ACER2: variants seen among roughly 807,000 people sequenced by gnomAD.
ACER2 encodes alkaline ceramidase 2.
A neutral mutation model predicts 34.7 loss-of-function variants in ACER2; 26 were observed. The ratio of observed to expected loss-of-function variants is 0.75; its 90% CI spans 0.55 to 1.04. The LOEUF is 1.04. ACER2 is among the 50% of genes least tolerant of loss of function. ACER2 has a pLI of 0.00. For missense variants in ACER2, 352 were observed against 340.8 expected, an observed-to-expected ratio of 1.03 and a Z score of -0.26; for synonymous variants, 138 against 132.1, an observed-to-expected ratio of 1.04 and a Z score of -0.31.
chr9:19,425,318 C>T (rs897308811), intron 3 of ACER2, among the ~76,000 whole-genome samples: 2 of 152,122 alleles, frequency 1.3e-5, no homozygotes, highest in Non-Finnish European at 2.9e-5. Flanking sequence ...GAGCTGTGCA[C>T]CTGCGTGCGT....
In ACER2 at chr9:19,409,260, C is replaced by T. The variant is rs1830010804; in HGVS notation, c.108+68C>T. On this transcript the variant is annotated intron_variant, in intron 1 of 5. Coordinates refer to ENST00000340967, the MANE Select transcript of ACER2 (RefSeq NM_001010887.3). ...GGGGGCTGTTCCCGCGCCGCAGCGT[C>T]TGGAAGCTGGACGTGGGTCTCTGCG... is the stretch of plus-strand genomic sequence containing the variant. 2.7e-6 allele frequency: 4 copies of T among 1,464,198 alleles called. No homozygotes were observed. The East Asian group carries it at 7.4e-5, about 27-fold the overall frequency. 90.7% of individuals were successfully genotyped at this position (1,464,198 alleles called of 1,614,324 possible). A position where few individuals can be genotyped will look rare whatever the true frequency, so the allele number is the denominator to read the frequency against.
intron 1 of ACER2, among the ~76,000 whole-genome samples, chr9:19,422,848 A>G (rs1175848793): frequency 1.3e-5 from 2 of 152,166 alleles, no homozygotes; most frequent in East Asian, 1.9e-4. Flanking sequence ...CCTGGCCAAC[A>G]TGGTGAAACC....
At chr9:19,444,126 A>G (rs1831253587) in intron 4 of ACER2, among the ~76,000 whole-genome samples, 2 of 151,124 alleles carry the variant, frequency 1.3e-5, no homozygotes, top group South Asian at 4.2e-4. Flanking sequence ...AGGCCACACA[A>G]AAAATACACT....
At chr9:19,440,464 T>C (rs1163396361) in intron 4 of ACER2, among the ~76,000 whole-genome samples, 1 of 152,140 alleles carries the variant, frequency 6.6e-6, no homozygotes, top group African/African-American at 2.4e-5. Flanking sequence ...ATGGGATTAG[T>C]GCTTTTCTAA....
chr9:19,450,326 G>A, intron 5 of ACER2, 124 bp from the exon 6 acceptor site: 1 of 1,349,150 alleles, frequency 7.4e-7, no homozygotes, highest in Non-Finnish European at 9.6e-7. Context: ...AATTAGAAGA[G>A]GCCCCTGGGC....
intron 1 of ACER2, 133 bp downstream of exon 1, chr9:19,409,325 A>G (rs1464559784): frequency 1.3e-6 from 1 of 787,124 alleles, no homozygotes; most frequent in African/African-American, 1.7e-5. Context: ...GAGTCAGTCC[A>G]CACCCCCTCC....
chr9:19,450,281 A>C (rs1439800149), intron 5 of ACER2, 169 bp from the exon 6 acceptor site: 6 of 985,298 alleles, frequency 6.1e-6, no homozygotes, highest in South Asian at 9.4e-5. Context: ...TCATCCTGCT[A>C]TTCCAGGGAT....
chr9:19,442,481 A>G (rs1023597497), intron 4 of ACER2, among the ~76,000 whole-genome samples: 1 of 152,236 alleles, frequency 6.6e-6, no homozygotes, highest in African/African-American at 2.4e-5. Context: ...AGAGAAAGGT[A>G]ACAGGCTGCC....
chr9:19,446,499 T>C, intron 5 of ACER2, 81 bp downstream of exon 5: 2 of 1,595,260 alleles, frequency 1.3e-6, no homozygotes, highest in Non-Finnish European at 8.5e-7. Context: ...CTGCAAGTGG[T>C]GCACAGGTGT....
intron 4 of ACER2, among the ~76,000 whole-genome samples, chr9:19,442,470 C>G (rs1314744130): frequency 6.6e-6 from 1 of 152,228 alleles, no homozygotes; most frequent in East Asian, 1.9e-4. Context: ...CTTCTAGAAG[C>G]AGAGAAAGGT....
chr9:19,418,661 A>C (rs1332116785), intron 1 of ACER2, among the ~76,000 whole-genome samples: 3 of 152,158 alleles, frequency 2.0e-5, no homozygotes, highest in Non-Finnish European at 4.4e-5. Flanking sequence ...ACATGGACAC[A>C]GGGAGGGAAA....
At chr9:19,446,051 G>C in intron 4 of ACER2, 1 of 718,716 alleles carries the variant, frequency 1.4e-6, no homozygotes, top group Non-Finnish European at 2.5e-6. Context: ...TTGGGTGTAT[G>C]AGTCTGGAGT....
intron 3 of ACER2, among the ~76,000 whole-genome samples, chr9:19,433,467 G>C (rs921604420): frequency 6.6e-6 from 1 of 151,980 alleles, no homozygotes; most frequent in Non-Finnish European, 1.5e-5. Flanking sequence ...GCACAGGGTT[G>C]GGGGTAAGGT....
chr9:19,423,790 G>C lies in ACER2; in HGVS notation c.109-72G>C, dbSNP rs74897321. 2,632 of 1,121,258 alleles carry C rather than the reference G, an allele frequency of 2.3e-3. 64 individuals carry two copies. The East Asian group carries it at 0.054, about 23-fold the overall frequency. 69.5% of individuals were successfully genotyped at this position (1,121,258 alleles called of 1,614,324 possible). A position where few individuals can be genotyped will look rare whatever the true frequency, so the allele number is the denominator to read the frequency against. On this transcript the variant is annotated intron_variant, in intron 1 of 5. Coordinates refer to ENST00000340967, the MANE Select transcript of ACER2 (RefSeq NM_001010887.3). ...TATCCCAGTTTGCAAGGACATACTT[G>C]GAAGAGGCCACTTTATTTTTTGCCC...
At chr9:19,415,556 GT>G (rs1393637171) in intron 1 of ACER2, among the ~76,000 whole-genome samples, 9 of 151,882 alleles carry the variant, frequency 5.9e-5, no homozygotes, top group Non-Finnish European at 1.2e-4. Context: ...TTAAAAAAAA[GT>G]TTTACATATC....
intron 4 of ACER2, among the ~76,000 whole-genome samples, chr9:19,439,321 T>C (rs1357668628): frequency 2.0e-5 from 3 of 150,164 alleles, no homozygotes; most frequent in Non-Finnish European, 4.4e-5. Flanking sequence ...TCTATATTGC[T>C]GCTCCCTCTC....
intron 1 of ACER2, among the ~76,000 whole-genome samples, chr9:19,423,457 T>C (rs573901707): frequency 6.6e-6 from 1 of 152,292 alleles, no homozygotes; most frequent in South Asian, 2.1e-4. Flanking sequence ...TCCCAGCACG[T>C]TGGGAGGCTG....
chr9:19,428,080 T>TTC (rs778615759), intron 3 of ACER2, among the ~76,000 whole-genome samples: 1 of 138,502 alleles, frequency 7.2e-6, no homozygotes, highest in East Asian at 2.1e-4. Context: ...TTCCTTTCCT[T>TTC]CTCTCTCTCT....
intron 5 of ACER2, 58 bp from the exon 6 acceptor site, chr9:19,450,392 C>T (rs1276914412): frequency 2.5e-5 from 37 of 1,478,700 alleles, no homozygotes; most frequent in Non-Finnish European, 2.7e-5. Flanking sequence ...GCAGGCTAAA[C>T]TCAGGGCAGC....
Sources: gnomAD v4.1 joint callset for allele counts (sites outside exome capture counted in the v4.1 genomes callset) on GRCh38, gnomAD v4.1.1 for gene constraint, MANE v1.5 for transcripts, NCBI Gene and HGNC (gene_info 2026-07-23, HGNC 2026-07-21) for gene names.